The following CACNG2 variants were observed in gnomAD, a reference collection of about 807,000 sequenced individuals.
CACNG2 encodes the protein calcium voltage-gated channel auxiliary subunit gamma 2, also known as voltage-dependent calcium channel gamma-2 subunit.
CACNG2 carries 3 observed loss-of-function variants against 25.9 expected under a neutral mutation model. That is an observed-to-expected ratio of 0.12 (90% CI 0.05 to 0.30). The LOEUF is 0.30. Ranked by LOEUF, CACNG2 falls within the 10% of genes least tolerant of loss-of-function variation. The probability of loss-of-function intolerance (pLI) is 1.00; values close to 1 mark genes in which losing one functional copy is unlikely to be tolerated. For missense variants in CACNG2, 341 were observed against 432.5 expected (o/e 0.79, Z 1.88); for synonymous variants, 167 against 173.3 (o/e 0.96, Z 0.29).
intron 1 of CACNG2, 85 bp from the exon 2 acceptor site, chr22:36,587,633 C>A (rs1935526075): frequency 5.3e-6 from 5 of 949,356 alleles, no homozygotes; most frequent in Non-Finnish European, 8.7e-6. Flanking sequence ...CAACTTCTGG[C>A]TCTTTGGAAA....
chr22:36,654,919 C>T lies in CACNG2; in HGVS notation c.211+47447G>A, dbSNP rs1936680772. On this transcript the variant is annotated intron_variant, in intron 1 of 3. Coordinates refer to ENST00000300105, the MANE Select transcript of CACNG2 (RefSeq NM_006078.5). ...AACTGGTGTCCGAATCTTTGTTTTG[C>T]AGAGTCAGGAAAAGTGTGGATAGGA... Among the ~76,000 whole-genome samples, 3 of 151,614 alleles carry T rather than the reference C, an allele frequency of 2.0e-5. No individual in the cohort carries two copies. In the South Asian group the frequency reaches 6.2e-4, roughly 32 times the overall value.
intron 1 of CACNG2, among the ~76,000 whole-genome samples, chr22:36,603,624 T>C (rs2145933830): frequency 6.6e-6 from 1 of 152,312 alleles, no homozygotes; most frequent in East Asian, 1.9e-4. Context: ...CCAAGGTTCA[T>C]TTACCATTCT....
intron 1 of CACNG2, among the ~76,000 whole-genome samples, chr22:36,698,648 G>C (rs541692233): frequency 1.8e-4 from 27 of 152,294 alleles, no homozygotes; most frequent in African/African-American, 6.5e-4. Flanking sequence ...AAGCAGCCTG[G>C]TGGGGGCAAG....
At chr22:36,600,754 C>T (rs1935743843) in intron 1 of CACNG2, among the ~76,000 whole-genome samples, 1 of 152,040 alleles carries the variant, frequency 6.6e-6, no homozygotes. Context: ...ACTATGTTGG[C>T]CAGGCTGGTC....
chr22:36,613,206 T>C (rs909974149), intron 1 of CACNG2, among the ~76,000 whole-genome samples: 1 of 150,278 alleles, frequency 6.7e-6, no homozygotes, highest in Non-Finnish European at 1.5e-5. Context: ...GTGTCTTTCA[T>C]CTCACGGGGC....
At chr22:36,639,820 G>C (rs1936415648) in intron 1 of CACNG2, among the ~76,000 whole-genome samples, 1 of 152,240 alleles carries the variant, frequency 6.6e-6, no homozygotes, top group South Asian at 2.1e-4. Context: ...TACACAGTGA[G>C]AGAGGTACTG....
intron 1 of CACNG2, among the ~76,000 whole-genome samples, chr22:36,652,500 G>A (rs1448993560): frequency 6.6e-6 from 1 of 152,112 alleles, no homozygotes; most frequent in Non-Finnish European, 1.5e-5. Context: ...ACCCCTTTTA[G>A]GTCTTGCTCA....
intron 1 of CACNG2, among the ~76,000 whole-genome samples, chr22:36,659,905 G>A (rs935682634): frequency 6.6e-6 from 1 of 151,874 alleles, no homozygotes; most frequent in Non-Finnish European, 1.5e-5. Flanking sequence ...TCCCCTAGAA[G>A]AGCCTGACTC....
chr22:36,571,564 T>C (rs566684333), intron 2 of CACNG2, among the ~76,000 whole-genome samples: 19 of 151,788 alleles, frequency 1.3e-4, no homozygotes, highest in African/African-American at 4.6e-4. Context: ...ATATGAAAGT[T>C]TGAGAAGTGC....
At chr22:36,612,537 A>G (rs745784363) in intron 1 of CACNG2, among the ~76,000 whole-genome samples, 1 of 152,182 alleles carries the variant, frequency 6.6e-6, no homozygotes, top group Non-Finnish European at 1.5e-5. Flanking sequence ...CCGTACATTC[A>G]TAGTTTATCG....
intron 1 of CACNG2, among the ~76,000 whole-genome samples, chr22:36,638,000 C>G (rs1284374180): frequency 6.6e-6 from 1 of 150,484 alleles, no homozygotes; most frequent in African/African-American, 2.5e-5. Context: ...CCAGCCTGGG[C>G]AACAGAGTGA....
At chr22:36,696,409 T>TA (rs1346991301) in intron 1 of CACNG2, among the ~76,000 whole-genome samples, 1 of 152,160 alleles carries the variant, frequency 6.6e-6, no homozygotes, top group Non-Finnish European at 1.5e-5. Context: ...TTTAGAATGT[T>TA]AAAAAAATTA....
At chr22:36,589,364 G>C (rs772543728) in intron 1 of CACNG2, among the ~76,000 whole-genome samples, 2 of 152,072 alleles carry the variant, frequency 1.3e-5, no homozygotes. Context: ...AGCAACTGTG[G>C]TTTTTGCCAT....
chr22:36,632,465 C>T (rs1936287381), intron 1 of CACNG2, among the ~76,000 whole-genome samples: 1 of 81,072 alleles, frequency 1.2e-5, no homozygotes, highest in Non-Finnish European at 2.4e-5. Context: ...ATTCTCTCTC[C>T]TCTCCTCTCT....
intron 1 of CACNG2, among the ~76,000 whole-genome samples, chr22:36,663,912 C>A (rs912715204): frequency 2.6e-5 from 4 of 152,154 alleles, no homozygotes; most frequent in Non-Finnish European, 5.9e-5. Context: ...TCGGAAGGAA[C>A]CAGGCTGTCG....
chr22:36,646,353 T>C (rs1936524360), intron 1 of CACNG2, among the ~76,000 whole-genome samples: 1 of 152,134 alleles, frequency 6.6e-6, no homozygotes, highest in Non-Finnish European at 1.5e-5. Flanking sequence ...AATTTAGCAG[T>C]ACACAGAGGC....
intron 2 of CACNG2, among the ~76,000 whole-genome samples, chr22:36,575,553 A>G (rs950932018): frequency 6.6e-6 from 1 of 151,272 alleles, no homozygotes; most frequent in Non-Finnish European, 1.5e-5. Flanking sequence ...CGACGGGGGG[A>G]GGTCAGGAGA....
intron 1 of CACNG2, among the ~76,000 whole-genome samples, chr22:36,637,067 C>A (rs959419478): frequency 2.0e-5 from 3 of 152,264 alleles, no homozygotes; most frequent in Admixed American, 6.5e-5. Flanking sequence ...AAGGCAGCAA[C>A]ATCTGCTGTG....
intron 1 of CACNG2, among the ~76,000 whole-genome samples, chr22:36,592,906 G>T (rs1373742541): frequency 2.6e-5 from 4 of 152,202 alleles, no homozygotes; most frequent in African/African-American, 9.6e-5. Context: ...CTGTGAGAGG[G>T]GTAGAGGCTC....
Sources: gnomAD v4.1 joint callset for allele counts (sites outside exome capture counted in the v4.1 genomes callset) on GRCh38, gnomAD v4.1.1 for gene constraint, MANE v1.5 for transcripts, NCBI Gene and HGNC (gene_info 2026-07-23, HGNC 2026-07-21) for gene names.